Variants in SDK1 observed in about 807,000 individuals in gnomAD.
The protein encoded by SDK1 is sidekick cell adhesion molecule 1, also known as protein sidekick-1.
In SDK1, 157 loss-of-function variants were observed where a neutral mutation model predicts 245.5. The observed-to-expected ratio is 0.64, with a 90% CI of 0.56 to 0.73. SDK1 has a LOEUF of 0.73. Among genes scored for constraint, SDK1 ranks in the 30% least tolerant of loss-of-function variants. The pLI is 0.00. For synonymous variants in SDK1, 1,647 were observed against 1,278.5 expected, an observed-to-expected ratio of 1.29 and a Z score of -6.15; for missense variants, 3,583 against 3,002.3, an observed-to-expected ratio of 1.19 and a Z score of -4.52.
At chr7:4,051,103 AAT>A (rs1222738055) in intron 18 of SDK1, among the ~76,000 whole-genome samples, 48 of 139,958 alleles carry the variant, frequency 3.4e-4, no homozygotes, top group African/African-American at 1.3e-3. Context: ...ATGTGTATAT[AAT>A]ATATATGTAT....
At chr7:3,967,153 A>G (rs1782140018) in intron 9 of SDK1, among the ~76,000 whole-genome samples, 165 bp from the exon 10 acceptor site, 1 of 152,214 alleles carries the variant, frequency 6.6e-6, no homozygotes, top group Non-Finnish European at 1.5e-5. Context: ...AACTCCTGGG[A>G]GAGGAACAGT....
chr7:3,578,372 G>C (rs1562576316), intron 1 of SDK1, among the ~76,000 whole-genome samples: 1 of 152,064 alleles, frequency 6.6e-6, no homozygotes, highest in Non-Finnish European at 1.5e-5. Context: ...ACGTGCTTCT[G>C]CGGAAACAGG....
chr7:4,227,045 G>A (rs1001306016), intron 40 of SDK1: 5 of 206,648 alleles, frequency 2.4e-5, no homozygotes, highest in African/African-American at 7.1e-5. Flanking sequence ...GGCCTGGACT[G>A]CTGTCCACTC....
intron 4 of SDK1, among the ~76,000 whole-genome samples, chr7:3,776,660 T>C (rs1434931961): frequency 6.6e-6 from 1 of 151,782 alleles, no homozygotes; most frequent in African/African-American, 2.4e-5. Context: ...CTACAGTAAC[T>C]GACCTATAAA....
chr7:3,365,776 T>C (rs965264267), intron 1 of SDK1, among the ~76,000 whole-genome samples: 4 of 152,160 alleles, frequency 2.6e-5, no homozygotes, highest in African/African-American at 2.4e-5. Flanking sequence ...CTCATGCCTG[T>C]AGTCCCAGCA....
chr7:3,571,959 C>T (rs1312792137), intron 1 of SDK1, among the ~76,000 whole-genome samples: 1 of 152,086 alleles, frequency 6.6e-6, no homozygotes, highest in African/African-American at 2.4e-5. Context: ...ACCTAAGTTA[C>T]TTACTTGCTA....
chr7:3,996,890 T>C (rs1227744470), intron 14 of SDK1, among the ~76,000 whole-genome samples: 1 of 152,234 alleles, frequency 6.6e-6, no homozygotes, highest in Non-Finnish European at 1.5e-5. Flanking sequence ...TTTCCTGATC[T>C]CAGTGGAATG....
intron 1 of SDK1, among the ~76,000 whole-genome samples, chr7:3,447,753 G>A (rs1355070833): frequency 1.4e-5 from 2 of 143,448 alleles, no homozygotes; most frequent in African/African-American, 5.2e-5. Flanking sequence ...TGCCCAGGCT[G>A]GAGTGCAATG....
At chr7:3,668,534 G>C (rs543961711) in intron 4 of SDK1, among the ~76,000 whole-genome samples, 1 of 152,320 alleles carries the variant, frequency 6.6e-6, no homozygotes, top group Non-Finnish European at 1.5e-5. Flanking sequence ...TCAGCACTTT[G>C]GGAGGCCGAG....
rs558862795 is a variant in SDK1 at position 3,986,578 on chromosome 7, A to G, written c.1995-608A>G. Among the ~76,000 whole-genome samples, 4 of 152,358 alleles carry G rather than the reference A, an allele frequency of 2.6e-5. No individual in the cohort carries two copies. The South Asian group carries it at 6.2e-4, about 24-fold the overall frequency. On this transcript the variant is annotated intron_variant, in intron 13 of 44. Coordinates refer to ENST00000404826, the MANE Select transcript of SDK1 (RefSeq NM_152744.4). ...TTTCTCAATTAAATAATGTATGTGT[A>G]GGCCGGGCATGGTGGCTCACGCCTG...
At chr7:3,774,212 C>G (rs1780485477) in intron 4 of SDK1, among the ~76,000 whole-genome samples, 1 of 123,630 alleles carries the variant, frequency 8.1e-6, no homozygotes, top group African/African-American at 3.1e-5. Flanking sequence ...GAGACTCCAT[C>G]TCAAAAAAAA....
chr7:3,680,806 C>T (rs771862411), intron 4 of SDK1, among the ~76,000 whole-genome samples: 8 of 152,054 alleles, frequency 5.3e-5, no homozygotes, highest in Admixed American at 2.6e-4. Flanking sequence ...CTGACTTATG[C>T]GTTAGCCACT....
intron 1 of SDK1, among the ~76,000 whole-genome samples, chr7:3,509,319 C>T (rs1329032930): frequency 6.6e-6 from 1 of 152,086 alleles, no homozygotes; most frequent in African/African-American, 2.4e-5. Flanking sequence ...TCAACCTAAT[C>T]CTGGAGCCGG....
intron 1 of SDK1, among the ~76,000 whole-genome samples, chr7:3,316,693 A>G (rs1162896258): frequency 6.6e-6 from 1 of 152,026 alleles, no homozygotes; most frequent in Non-Finnish European, 1.5e-5. Flanking sequence ...TTTTTCTGCC[A>G]TGTCATCTCT....
intron 4 of SDK1, among the ~76,000 whole-genome samples, chr7:3,783,524 A>G (rs1360762758): frequency 4.6e-5 from 7 of 152,216 alleles, no homozygotes; most frequent in South Asian, 4.1e-4. Flanking sequence ...TTACAGTTGC[A>G]GGATACAAAA....
chr7:3,936,731 G>A (rs1171852051), intron 5 of SDK1, among the ~76,000 whole-genome samples: 2 of 152,238 alleles, frequency 1.3e-5, no homozygotes, highest in African/African-American at 4.8e-5. Context: ...GGGAAAAAAA[G>A]AAGTATACCA....
rs190274919 is a variant in SDK1, at chr7:3,951,655, C to T, written c.960-75C>T. ...AGCATTAGCTTCGTCAAGCCTGTGC[C>T]GAGTGCCTGAGATGATGACCGTTGC... On this transcript the variant is annotated intron_variant, in intron 6 of 44. Transcript: ENST00000404826. The T allele has an allele frequency of 1.6e-4, 223 of 1,363,946 alleles. No individual in the cohort carries two copies. In the African/African-American group the frequency reaches 2.4e-3, roughly 15 times the overall value. 84.5% of individuals were successfully genotyped at this position (1,363,946 alleles called of 1,614,324 possible).
At chr7:4,210,284 G>T in intron 38 of SDK1, 122 bp downstream of exon 38, 2 of 1,075,880 alleles carry the variant, frequency 1.9e-6, no homozygotes, top group Non-Finnish European at 2.4e-6. Context: ...CGCCTGAAGT[G>T]GGGGGTTTTG....
At chr7:3,582,095 C>G (rs1317313949) in intron 1 of SDK1, among the ~76,000 whole-genome samples, 1 of 146,162 alleles carries the variant, frequency 6.8e-6, no homozygotes, top group Admixed American at 6.8e-5. Flanking sequence ...GTAGGCCTGT[C>G]TCAGGTAGGT....
Sources: allele counts gnomAD v4.1 joint callset (sites outside exome capture counted in the v4.1 genomes callset), GRCh38; gene constraint gnomAD v4.1.1; transcripts MANE v1.5; gene names NCBI Gene and HGNC (gene_info 2026-07-23, HGNC 2026-07-21).